Variants in PTPRN2 observed in about 807,000 individuals in gnomAD.
PTPRN2 encodes the protein protein tyrosine phosphatase receptor type N2, also known as receptor-type tyrosine-protein phosphatase N2.
Under a neutral mutation model 118.8 loss-of-function variants are expected in PTPRN2, and 74 were observed. The observed-to-expected ratio is 0.62, with a 90% CI of 0.52 to 0.76. The LOEUF (loss-of-function observed/expected upper bound fraction) is 0.76, where lower values mean the gene tolerates loss of function less well. PTPRN2 is among the 30% of genes least tolerant of loss of function. The pLI is 0.00. For missense variants in PTPRN2, 1,481 were observed against 1,394.4 expected (o/e 1.06, Z -0.99); for synonymous variants, 641 against 608.0 (o/e 1.05, Z -0.80).
intron 3 of PTPRN2, among the ~76,000 whole-genome samples, chr7:158,304,196 A>C (rs951945331): frequency 6.6e-6 from 1 of 151,748 alleles, no homozygotes; most frequent in Non-Finnish European, 1.5e-5. Flanking sequence ...GGGAGGCATA[A>C]GACATCCATC....
At position 157,713,484 on chromosome 7, in the gene PTPRN2, TA is replaced by T. The variant is rs113336542; in HGVS notation, c.1789-30548del. On this transcript the variant is annotated intron_variant, in intron 12 of 22. Transcript: ENST00000389418. ...TCTATCTTTTCTTTTGGATACTTTG[TA>T]AAAAAAAAAATCATTAAAATCTATA... 9.2e-4 allele frequency among the ~76,000 whole-genome samples: 136 copies of T among 148,496 alleles called. 1 individual carries two copies. The highest frequency in any genetic ancestry group is 7.9e-4 in the African/African-American group (32 of 40,570).
chr7:157,805,307 G>GTA (rs1805560743), intron 12 of PTPRN2, among the ~76,000 whole-genome samples: 2 of 151,446 alleles, frequency 1.3e-5, no homozygotes, highest in Admixed American at 6.6e-5. Flanking sequence ...GTGTGTGTGT[G>GTA]TGTGTGTGTG....
intron 9 of PTPRN2, among the ~76,000 whole-genome samples, chr7:158,132,081 C>T (rs61727967): frequency 0.66 from 99,944 of 150,344 alleles, 33,995 homozygotes; most frequent in African/African-American, 0.81. Context: ...CTACCTGACA[C>T]ACACACACAC....
At chr7:158,368,643 G>T (rs1348794974) in intron 2 of PTPRN2, among the ~76,000 whole-genome samples, 1 of 152,190 alleles carries the variant, frequency 6.6e-6, no homozygotes, top group African/African-American at 2.4e-5. Flanking sequence ...GGACGTCCAA[G>T]GACCAAGGCA....
intron 2 of PTPRN2, among the ~76,000 whole-genome samples, chr7:158,391,228 G>A (rs572372711): frequency 6.6e-6 from 1 of 152,354 alleles, no homozygotes; most frequent in South Asian, 2.1e-4. Context: ...TCCATTCCCT[G>A]GAGGGACCCT....
chr7:158,155,748 CCATCACCAT>C (rs1426593597), intron 6 of PTPRN2, among the ~76,000 whole-genome samples: 1 of 18,654 alleles, frequency 5.4e-5, no homozygotes, highest in East Asian at 3.7e-3. Flanking sequence ...ACCATCATCA[CCATCACCAT>C]CATCATCACC....
intron 12 of PTPRN2, among the ~76,000 whole-genome samples, chr7:157,847,999 T>C (rs899495369): frequency 6.6e-6 from 1 of 151,096 alleles, no homozygotes; most frequent in African/African-American, 2.4e-5. Context: ...CATTACATCA[T>C]GTGTGCCTGA....
At chr7:158,067,392 G>A (rs538639180) in intron 11 of PTPRN2, among the ~76,000 whole-genome samples, 1 of 152,272 alleles carries the variant, frequency 6.6e-6, no homozygotes, top group East Asian at 1.9e-4. Flanking sequence ...GGAGCTCTTG[G>A]ACTGCAGCTG....
At chr7:158,168,981 G>T (rs919993544) in intron 5 of PTPRN2, among the ~76,000 whole-genome samples, 1 of 152,204 alleles carries the variant, frequency 6.6e-6, no homozygotes, top group Non-Finnish European at 1.5e-5. Flanking sequence ...GCGTGCATGG[G>T]TGTGTGGACA....
chr7:158,435,110 T>C (rs1390782137), intron 2 of PTPRN2, among the ~76,000 whole-genome samples: 1 of 152,166 alleles, frequency 6.6e-6, no homozygotes, highest in Admixed American at 6.5e-5. Flanking sequence ...CAAGGGAGAC[T>C]ACATCAAACT....
chr7:157,794,054 C>T lies in PTPRN2; in HGVS notation c.1788+104619G>A, dbSNP rs1398578477. Among the ~76,000 whole-genome samples, 4 of 152,136 alleles carry T rather than the reference C, an allele frequency of 2.6e-5. No individual in the cohort carries two copies. Among genetic ancestry groups the T allele is most frequent in the African/African-American group, 9.7e-5 (4 of 41,410 alleles). ...GCAGCACACCTCGAGGGGCCCAGGA[C>T]AAGCTCGGGGCCCAGGTGGCCGGGA... On this transcript the variant is annotated intron_variant, in intron 12 of 22. Coordinates refer to ENST00000389418, the MANE Select transcript of PTPRN2 (RefSeq NM_002847.5). The surrounding 1 kb of genome is among the most constrained non-coding windows in gnomAD (Gnocchi z 5.2).
chr7:157,585,882 T>C lies in PTPRN2; in HGVS notation c.2497-7742A>G, dbSNP rs1800645231. 6.6e-6 allele frequency among the ~76,000 whole-genome samples: 1 copy of C among 152,192 alleles called. No homozygotes were observed. The highest frequency in any genetic ancestry group is 2.4e-5 in the African/African-American group (1 of 41,442). On this transcript the variant is annotated intron_variant, in intron 17 of 22. Transcript: ENST00000389418. The surrounding 1 kb of genome is among the most constrained non-coding windows in gnomAD (Gnocchi z 5.2). ...AAAGGAAAGCCGGACCTGTCCTTTC[T>C]ACTTGAGTCCCATTTTAAATTCCGC...
At chr7:158,487,477 G>T (rs1821110546) in intron 2 of PTPRN2, among the ~76,000 whole-genome samples, 1 of 152,194 alleles carries the variant, frequency 6.6e-6, no homozygotes, top group Non-Finnish European at 1.5e-5. Context: ...TAATGGGTGT[G>T]AGGTGGTATG....
intron 5 of PTPRN2, among the ~76,000 whole-genome samples, chr7:158,185,155 G>T (rs959747916): frequency 1.3e-5 from 2 of 152,032 alleles, no homozygotes; most frequent in African/African-American, 4.8e-5. Context: ...AAATTGTTTA[G>T]AATTTTTGTT....
chr7:158,122,272 C>T (rs939421180), intron 9 of PTPRN2, among the ~76,000 whole-genome samples: 1 of 152,142 alleles, frequency 6.6e-6, no homozygotes, highest in African/African-American at 2.4e-5. Context: ...AAGTTTGTGA[C>T]GTCTCTAAGC....
intron 16 of PTPRN2, among the ~76,000 whole-genome samples, chr7:157,602,155 CCTT>C (rs1406597491): frequency 1.3e-5 from 2 of 152,236 alleles, no homozygotes; most frequent in Non-Finnish European, 2.9e-5. Flanking sequence ...GGAAGTGATT[CCTT>C]CTTAAGAATG....
At chr7:157,994,676 ACGCCGCGTCCCCAGCTTACAGCTCCT>A (rs1804560520) in intron 11 of PTPRN2, among the ~76,000 whole-genome samples, 2 of 123,452 alleles carry the variant, frequency 1.6e-5, no homozygotes, top group African/African-American at 7.4e-5. Flanking sequence ...CCTAAAATCA[ACGCCGCGTCCCCAGCTTACAGCTCCT>A]TGTTCCTAAA....
At chr7:157,909,021 G>T (rs1797931751) in intron 11 of PTPRN2, among the ~76,000 whole-genome samples, 1 of 152,008 alleles carries the variant, frequency 6.6e-6, no homozygotes, top group Non-Finnish European at 1.5e-5. Flanking sequence ...GTGACTTCAT[G>T]AAACAAGGGG....
intron 3 of PTPRN2, among the ~76,000 whole-genome samples, chr7:158,252,730 A>C (rs1796766224): frequency 6.6e-6 from 1 of 152,194 alleles, no homozygotes; most frequent in Non-Finnish European, 1.5e-5. Context: ...GATCGAGTCC[A>C]AGCAGCAAAA....
Sources: gnomAD v4.1 joint callset for allele counts (sites outside exome capture counted in the v4.1 genomes callset) on GRCh38, gnomAD v4.1.1 for gene constraint, Gnocchi (gnomAD v3.1) non-coding constraint, MANE v1.5 for transcripts, NCBI Gene and HGNC (gene_info 2026-07-23, HGNC 2026-07-21) for gene names.